STK10: variants seen among roughly 807,000 people sequenced by gnomAD.
STK10 encodes the protein serine/threonine-protein kinase 10.
In STK10, 78 loss-of-function variants were observed where a neutral mutation model predicts 113.8. That is an observed-to-expected ratio of 0.69 (90% CI 0.57 to 0.83). The LOEUF is 0.83. Ranked by LOEUF, STK10 falls within the 40% of genes least tolerant of loss-of-function variation. The pLI is 0.00. For synonymous variants in STK10, 465 were observed against 494.7 expected (o/e 0.94, Z 0.80); for missense variants, 1,109 against 1,280.1 (o/e 0.87, Z 2.04).
rs182823454 is a variant in STK10, at chr5:172,090,267, T to C, written c.1650A>G (p.Glu550=). ...VSITTSKIIS[E]DEKKDEEMRF... Reference sequence around the variant, plus strand: ...TCATCTCCTCATCCTTCTTCTCATCTTCGCTGATGATCTTGGAGGTGGTGA... The same window carrying C: ...TCATCTCCTCATCCTTCTTCTCATCCTCGCTGATGATCTTGGAGGTGGTGA... Residue 550 remains glutamate (E), a synonymous_variant, in exon 10 of 19, where the codon GAA becomes GAG. Transcript: ENST00000176763. The C allele has an allele frequency of 2.5e-6, 4 of 1,614,172 alleles. No homozygotes were observed. The highest frequency in any genetic ancestry group is 2.2e-5 in the East Asian group (1 of 44,878).
chr5:172,106,577 C>G, intron 6 of STK10, 43 bp downstream of exon 6: 1 of 1,579,750 alleles, frequency 6.3e-7, no homozygotes, highest in Non-Finnish European at 8.6e-7. Context: ...GCCCTAATCC[C>G]GGCGCAGGCA....
At chr5:172,068,890 A>AAAAAC (rs1314429440) in intron 12 of STK10, among the ~76,000 whole-genome samples, 1 of 151,916 alleles carries the variant, frequency 6.6e-6, no homozygotes, top group African/African-American at 2.4e-5. Context: ...GCCTCAAAAA[A>AAAAAC]AAAAAACAAA....
chr5:172,107,719 T>G, intron 5 of STK10, 61 bp downstream of exon 5: 1 of 1,553,358 alleles, frequency 6.4e-7, no homozygotes, highest in Non-Finnish European at 8.9e-7. Flanking sequence ...AAGCGCCTGG[T>G]GGTCACCTTG....
At chr5:172,113,573 C>T (rs1461449918) in intron 4 of STK10, among the ~76,000 whole-genome samples, 2 of 152,104 alleles carry the variant, frequency 1.3e-5, no homozygotes, top group African/African-American at 4.8e-5. Context: ...TGTTAAAAAC[C>T]AGACTAGGAA....
Position 172,093,808 on chromosome 5 carries a change from T to G in STK10, c.1158A>C (p.Arg386Ser). The G allele has an allele frequency of 6.2e-7, 1 of 1,607,468 alleles. No individual in the cohort carries two copies. The highest frequency in any genetic ancestry group is 1.1e-5 in the South Asian group (1 of 90,462). The stretch of plus-strand genomic sequence containing the variant: ...CTGGGGGACTGGTGGTTTGGAGGGA[T>G]CTGTCCCCAGAGGGCTGGCTGCAGG... ...NEPCSQPSGD[R>S]SLQTTSPPVV... The change falls in exon 9 of 19, where the codon AGA becomes AGC. Residue 386 changes from arginine to serine, a missense_variant. Transcript: ENST00000176763. The surrounding 1 kb of genome is among the most constrained non-coding windows in gnomAD (Gnocchi z 4.1).
Position 172,167,867 on chromosome 5 carries a change from G to A in STK10, c.157-11079C>T, listed in dbSNP as rs560037811. Among the ~76,000 whole-genome samples, 3 of 152,290 alleles carry A rather than the reference G, an allele frequency of 2.0e-5. No individual in the cohort carries two copies. In the Middle Eastern group the frequency reaches 0.01, roughly 518 times the overall value. On this transcript the variant is annotated intron_variant, in intron 1 of 18. Transcript: ENST00000176763. Reference sequence around the variant, plus strand: ...CAGAAAATGCCTCTTCGGAGGTAAGGGAGCATCTAAAACTCACTCCACTGT... The same window carrying A: ...CAGAAAATGCCTCTTCGGAGGTAAGAGAGCATCTAAAACTCACTCCACTGT...
chr5:172,096,544 C>A lies in STK10; in HGVS notation c.887G>T (p.Ser296Ile). 6 of 1,613,484 alleles carry A rather than the reference C, an allele frequency of 3.7e-6. No homozygotes were observed. The highest frequency in any genetic ancestry group is 5.1e-6 in the Non-Finnish European group (6 of 1,180,044). Residue 296 changes from serine (S) to isoleucine (I), a missense_variant, in exon 8 of 19, where the codon AGC (serine) becomes ATC (isoleucine). Ser to Ile is a moderately radical substitution (Grantham distance 142, BLOSUM62 -2). Transcript: ENST00000176763. ...AQLLEHPFVS[S>I]ITSNKALREL... ...CCGCAGAGCCTTGTTACTGGTGATG[C>A]TGCTGACGAAGGGATGCTGAGGGGG...
At chr5:172,087,676 C>T (rs1286035712) in intron 10 of STK10, among the ~76,000 whole-genome samples, 3 of 134,256 alleles carry the variant, frequency 2.2e-5, no homozygotes, top group Admixed American at 1.5e-4. Flanking sequence ...GGCCGGACTG[C>T]GGACTGCAGT....
At chr5:172,050,300 T>G (rs1000521767) in intron 18 of STK10, among the ~76,000 whole-genome samples, 1 of 152,206 alleles carries the variant, frequency 6.6e-6, no homozygotes, top group Non-Finnish European at 1.5e-5. Flanking sequence ...GATGGCTGTC[T>G]AGAGATCCTG....
At chr5:172,067,265 G>A (rs925033049) in intron 12 of STK10, among the ~76,000 whole-genome samples, 2 of 152,136 alleles carry the variant, frequency 1.3e-5, no homozygotes, top group African/African-American at 4.8e-5. Flanking sequence ...GCTGAAGTGG[G>A]AGGATCACTT....
intron 4 of STK10, among the ~76,000 whole-genome samples, chr5:172,113,550 C>T (rs897121391): frequency 2.0e-5 from 3 of 152,072 alleles, no homozygotes; most frequent in Non-Finnish European, 4.4e-5. Flanking sequence ...TGGAGGAATA[C>T]GCTGATATTC....
intron 6 of STK10, among the ~76,000 whole-genome samples, chr5:172,106,208 C>T (rs1169315746): frequency 1.3e-5 from 2 of 151,664 alleles, no homozygotes; most frequent in Non-Finnish European, 2.9e-5. Context: ...GCCAGGAGTT[C>T]AAGACCAGCC....
intron 4 of STK10, among the ~76,000 whole-genome samples, chr5:172,112,453 G>T (rs143258244): frequency 0.014 from 1,802 of 130,690 alleles, 35 homozygotes; most frequent in African/African-American, 0.048. Context: ...ACAGAGTCTC[G>T]CATGTCACCC....
At chr5:172,056,725 T>G (rs1338784790) in intron 15 of STK10, among the ~76,000 whole-genome samples, 1 of 149,136 alleles carries the variant, frequency 6.7e-6, no homozygotes, top group Non-Finnish European at 1.5e-5. Flanking sequence ...AATACAAAAA[T>G]TAGCCAGGCA....
chr5:172,185,283 T>C (rs1031652683), intron 1 of STK10, among the ~76,000 whole-genome samples: 4 of 152,026 alleles, frequency 2.6e-5, no homozygotes, highest in Non-Finnish European at 5.9e-5. Flanking sequence ...TTTTGTTTTG[T>C]TTTTGAGACA....
chr5:172,076,286 A>G (rs115007302), intron 12 of STK10, among the ~76,000 whole-genome samples: 147 of 28,280 alleles, frequency 5.2e-3, no homozygotes, highest in Admixed American at 6.3e-3. Flanking sequence ...CGTTAGTTGT[A>G]GGGGCTGTCC....
chr5:172,175,339 CAG>C (rs987917612), intron 1 of STK10, among the ~76,000 whole-genome samples: 1 of 151,862 alleles, frequency 6.6e-6, no homozygotes, highest in African/African-American at 2.4e-5. Flanking sequence ...ACAGGGGAAG[CAG>C]AGAGAAAGGG....
At chr5:172,045,607 G>C (rs1410317546) in intron 18 of STK10, 1 of 325,688 alleles carries the variant, frequency 3.1e-6, no homozygotes, top group East Asian at 9.9e-5. Flanking sequence ...AGGTAACTCA[G>C]AGGAGAGCTC....
intron 2 of STK10, among the ~76,000 whole-genome samples, chr5:172,155,793 G>C (rs57501930): frequency 6.6e-6 from 1 of 151,752 alleles, no homozygotes; most frequent in Admixed American, 6.6e-5. Context: ...TCAGGAGTTC[G>C]AGACCAGCCT....
Sources: gnomAD v4.1 joint callset for allele counts (sites outside exome capture counted in the v4.1 genomes callset) on GRCh38, gnomAD v4.1.1 for gene constraint, Gnocchi (gnomAD v3.1) non-coding constraint, MANE v1.5 for transcripts, NCBI Gene and HGNC (gene_info 2026-07-23, HGNC 2026-07-21) for gene names.